Variants in PMS2 observed in about 807,000 individuals in gnomAD.
The protein encoded by PMS2 is mismatch repair endonuclease PMS2.
In PMS2, 69 loss-of-function variants were observed where a neutral mutation model predicts 90.0. The observed-to-expected ratio is 0.77, with a 90% confidence interval of 0.63 to 0.94. The LOEUF (loss-of-function observed/expected upper bound fraction) is 0.94. PMS2 is among the 40% of genes least tolerant of loss of function. The probability of loss-of-function intolerance (pLI) is 0.00; values close to 1 mark genes in which losing one functional copy is unlikely to be tolerated. For synonymous variants in PMS2, 332 were observed against 375.1 expected, an observed-to-expected ratio of 0.89 and a Z score of 1.33; for missense variants, 966 against 1,040.2, an observed-to-expected ratio of 0.93 and a Z score of 0.98.
chr7:5,987,037 T>C lies in PMS2; in HGVS notation c.1728A>G (p.Thr576=), dbSNP rs754542046. ...GAATTTCTTCTTTTTTAAAACGCTT[T>C]GTGTTTGGGGTTGCGAGATTAGTTG... ...PQPTNLATPN[T]KRFKKEEILS... is the part of the protein sequence containing the mutation. Residue 576 remains threonine (T), a synonymous_variant, in exon 11 of 15, where the codon ACA becomes ACG. Coordinates refer to ENST00000265849, the MANE Select transcript of PMS2 (RefSeq NM_000535.7). 1.9e-6 allele frequency: 3 copies of C among 1,614,214 alleles called. No homozygotes were observed. The highest frequency in any genetic ancestry group is 1.3e-5 in the African/African-American group (1 of 75,062).
intron 10 of PMS2, among the ~76,000 whole-genome samples, chr7:5,988,585 T>C (rs1783349758): frequency 6.6e-6 from 1 of 152,074 alleles, no homozygotes; most frequent in African/African-American, 2.4e-5. Flanking sequence ...GAAGTGCCTA[T>C]CTATGCTCGT....
chr7:5,992,877 C>T (rs1783924170), intron 8 of PMS2, among the ~76,000 whole-genome samples: 1 of 152,060 alleles, frequency 6.6e-6, no homozygotes, highest in Non-Finnish European at 1.5e-5. Flanking sequence ...TAGTGAAATG[C>T]AAGTGCAGCT....
Position 5,978,624 on chromosome 7 carries a change from A to T in PMS2, c.2247T>A (p.Asn749Lys), listed in dbSNP as rs200824831. 4 of 1,604,106 alleles carry T rather than the reference A, an allele frequency of 2.5e-6. No individual in the cohort carries two copies. The highest frequency in any genetic ancestry group is 1.4e-5 in the African/African-American group (1 of 73,892). The change falls in exon 13 of 15, where the codon AAT becomes AAA. Residue 749 changes from asparagine to lysine, a missense_variant. By Grantham distance (94) the Asn-to-Lys change is moderately conservative (BLOSUM62 0). This residue lies in a region of PMS2 where 95 missense variants were observed against 237.8 expected (regional missense o/e 0.40). Coordinates refer to ENST00000265849, the MANE Select transcript of PMS2 (RefSeq NM_000535.7). ...LIENLEIFRK[N>K]GFDFVIDENA... ...TTTCATCGATAACAAAATCAAAGCCATTCTTTCTAAATATTTCCAGATTTT... is the reference window on the plus strand; with the variant it reads ...TTTCATCGATAACAAAATCAAAGCCTTTCTTTCTAAATATTTCCAGATTTT...
At chr7:5,997,726 T>G (rs566532265) in intron 6 of PMS2, among the ~76,000 whole-genome samples, 1 of 151,990 alleles carries the variant, frequency 6.6e-6, no homozygotes, top group South Asian at 2.1e-4. Context: ...TTTTTTAATT[T>G]TTTTGTAGAG....
intron 1 of PMS2, 34 bp from the exon 2 acceptor site, chr7:6,006,065 A>G (rs772635671): frequency 1.3e-4 from 209 of 1,607,150 alleles, no homozygotes; most frequent in Non-Finnish European, 1.6e-4. Context: ...CAAATCAAGT[A>G]TTCAGCTATA....
intron 11 of PMS2, among the ~76,000 whole-genome samples, chr7:5,985,477 T>C (rs1562622032): frequency 6.6e-6 from 1 of 151,476 alleles, no homozygotes; most frequent in Non-Finnish European, 1.5e-5. Context: ...TGCTAAGAAA[T>C]ACAGGAATGG....
At chr7:6,002,889 T>G (rs1038561389) in intron 4 of PMS2, among the ~76,000 whole-genome samples, 1 of 152,236 alleles carries the variant, frequency 6.6e-6, no homozygotes, top group East Asian at 1.9e-4. Flanking sequence ...CAGGTTGAAC[T>G]GCAAAACCAT....
chr7:5,981,805 G>T (rs1236818478), intron 12 of PMS2, among the ~76,000 whole-genome samples: 1 of 151,674 alleles, frequency 6.6e-6, no homozygotes, highest in Non-Finnish European at 1.5e-5. Flanking sequence ...CAGTTTTATC[G>T]CTTGTGGAAT....
At chr7:5,991,804 A>C (rs1263925635) in intron 9 of PMS2, among the ~76,000 whole-genome samples, 169 bp downstream of exon 9, 28 of 151,976 alleles carry the variant, frequency 1.8e-4, no homozygotes, top group Admixed American at 1.8e-3. Flanking sequence ...ACGCCACCAC[A>C]CTCCAGCCTG....
intron 6 of PMS2, among the ~76,000 whole-genome samples, chr7:5,997,805 A>T (rs1333891001): frequency 6.6e-6 from 1 of 152,052 alleles, no homozygotes; most frequent in Non-Finnish European, 1.5e-5. Flanking sequence ...CCACCTCAAA[A>T]TTGTTGGCCG....
At chr7:5,981,498 A>G (rs977873455) in intron 12 of PMS2, among the ~76,000 whole-genome samples, 4 of 149,728 alleles carry the variant, frequency 2.7e-5, no homozygotes, top group Non-Finnish European at 5.9e-5. Flanking sequence ...TGCCTGCCTC[A>G]GCCTCCCAAA....
chr7:5,989,998 TTTTA>T, intron 9 of PMS2, 43 bp from the exon 10 acceptor site: 1 of 1,233,516 alleles, frequency 8.1e-7, no homozygotes, highest in Non-Finnish European at 1.1e-6. Context: ...TTAAATTCAC[TTTTA>T]TTTTATTTAT....
chr7:5,992,350 G>A (rs1426172426), intron 8 of PMS2, among the ~76,000 whole-genome samples: 3 of 146,644 alleles, frequency 2.0e-5, no homozygotes, highest in Admixed American at 1.4e-4. Context: ...ACGGAGTCTC[G>A]CTCTTGTTAC....
chr7:5,991,454 C>G (rs1338804782), intron 9 of PMS2, among the ~76,000 whole-genome samples: 2 of 144,130 alleles, frequency 1.4e-5, no homozygotes, highest in Non-Finnish European at 3.1e-5. Context: ...CATCTACTTT[C>G]TCCCTTGGTT....
intron 14 of PMS2, among the ~76,000 whole-genome samples, chr7:5,975,529 A>G (rs1367750653): frequency 2.5e-5 from 1 of 40,668 alleles, no homozygotes; most frequent in Non-Finnish European, 4.7e-5. Flanking sequence ...AGAGGGCTCC[A>G]TTCTACCTTT....
In PMS2 at chr7:5,977,390, TA is replaced by T. The variant is rs376344558; in HGVS notation, c.2445+197del. On this transcript the variant is annotated intron_variant, in intron 14 of 14. Coordinates refer to ENST00000265849, the MANE Select transcript of PMS2 (RefSeq NM_000535.7). ...CTTAACAGAGGTAACAAAAGAGCAATAATTATGAGTTCAAGGTCACAGAGAA... is the reference window on the plus strand; with the variant it reads ...CTTAACAGAGGTAACAAAAGAGCAATATTATGAGTTCAAGGTCACAGAGAA... Among the ~76,000 whole-genome samples the T allele has an allele frequency of 1.3e-3, 196 of 146,388 alleles. 4 individuals carry two copies. The highest frequency in any genetic ancestry group is 4.5e-3 in the African/African-American group (185 of 40,730).
At chr7:5,998,971 C>T in intron 6 of PMS2, 137 bp downstream of exon 6, 3 of 786,786 alleles carry the variant, frequency 3.8e-6, no homozygotes, top group Non-Finnish European at 6.2e-6. Flanking sequence ...GCCTGGGCAG[C>T]AGTGCGAGAC....
intron 9 of PMS2, among the ~76,000 whole-genome samples, chr7:5,991,062 A>C (rs1583340704): frequency 1.3e-5 from 2 of 152,308 alleles, no homozygotes; most frequent in African/African-American, 4.8e-5. Flanking sequence ...AATTATAAGG[A>C]AAGTATTTAT....
At chr7:5,990,843 G>A (rs1369344480) in intron 9 of PMS2, among the ~76,000 whole-genome samples, 5 of 152,026 alleles carry the variant, frequency 3.3e-5, no homozygotes, top group Admixed American at 6.6e-5. Context: ...GCGAAACCCC[G>A]TCTCTACTAA....
Sources: allele counts gnomAD v4.1 joint callset (sites outside exome capture counted in the v4.1 genomes callset), GRCh38; gene constraint gnomAD v4.1.1; regional missense constraint gnomAD v4.1.1; transcripts MANE v1.5; gene names NCBI Gene and HGNC (gene_info 2026-07-23, HGNC 2026-07-21).